The following PCDHGB5 variants were observed in gnomAD, a reference collection of about 807,000 sequenced individuals.
PCDHGB5 encodes the protein protocadherin gamma subfamily B, 5.
A neutral mutation model predicts 62.9 loss-of-function variants in PCDHGB5; 48 were observed. The ratio of observed to expected loss-of-function variants is 0.76; its 90% CI spans 0.61 to 0.97. PCDHGB5 has a LOEUF of 0.97. Among genes scored for constraint, PCDHGB5 ranks in the 50% least tolerant of loss-of-function variants. The probability of loss-of-function intolerance (pLI) is 0.00; values close to 1 mark genes in which losing one functional copy is unlikely to be tolerated. For synonymous variants in PCDHGB5, 474 were observed against 511.2 expected, an observed-to-expected ratio of 0.93 and a Z score of 0.98; for missense variants, 1,118 against 1,198.6, an observed-to-expected ratio of 0.93 and a Z score of 0.99.
chr5:141,448,152 C>T (rs1463599948), intron 1 of PCDHGB5, among the ~76,000 whole-genome samples: 1 of 151,984 alleles, frequency 6.6e-6, no homozygotes, highest in African/African-American at 2.4e-5. Flanking sequence ...CAGACTCACC[C>T]CTGAAAGATC....
At chr5:141,458,615 G>A (rs2098949624) in intron 1 of PCDHGB5, among the ~76,000 whole-genome samples, 1 of 152,088 alleles carries the variant, frequency 6.6e-6, no homozygotes, top group Admixed American at 6.6e-5. Flanking sequence ...TGTCAGCCAG[G>A]CTGGAGTGCA....
Position 141,485,790 on chromosome 5 carries a change from C to G in PCDHGB5, c.2398-9017C>G. 6.2e-7 allele frequency: 1 copy of G among 1,614,204 alleles called. No homozygotes were observed. The highest frequency in any genetic ancestry group is 8.5e-7 in the Non-Finnish European group (1 of 1,180,032). ...AAGCCTTTGGATCGAGAGAAGCAAT[C>G]GGACTACCGCCTGGTGCTGACTGCT... On this transcript the variant is annotated intron_variant, in intron 1 of 3. Transcript: ENST00000617380. This position sits in a 1 kb window ranked among gnomAD's most constrained non-coding sequence, Gnocchi z 5.7.
Position 141,422,468 on chromosome 5 carries a change from A to T in PCDHGB5, c.2397+21944A>T, listed in dbSNP as rs555211298. On this transcript the variant is annotated intron_variant, in intron 1 of 3. Transcript: ENST00000617380. ...ATAACAAGCAGAGTGCTGGACAGGG[A>T]GTTGGTCCAGAGCTACAATATAACG... 59 of 1,613,640 alleles carry T rather than the reference A, an allele frequency of 3.7e-5. No homozygotes were observed. In the South Asian group the frequency reaches 4.7e-4, roughly 13 times the overall value.
chr5:141,415,740 GTTTTTTTTTTTTTTTTTT>G (rs57426385), intron 1 of PCDHGB5: 9 of 625,028 alleles, frequency 1.4e-5, no homozygotes, highest in African/African-American at 5.0e-5. Flanking sequence ...GTTTATTAAG[GTTTTTTTTTTTTTTTTTT>G]TTTTTTTTTT....
At chr5:141,409,620 A>C in intron 1 of PCDHGB5, 2 of 1,613,876 alleles carry the variant, frequency 1.2e-6, no homozygotes, top group Non-Finnish European at 1.7e-6. Flanking sequence ...TCCATTGCGC[A>C]AGTGAGCGCC....
intron 1 of PCDHGB5, among the ~76,000 whole-genome samples, chr5:141,452,094 G>A (rs760924457): frequency 6.6e-6 from 1 of 152,162 alleles, no homozygotes; most frequent in South Asian, 2.1e-4. Context: ...CAGTAAGAAA[G>A]AGCTTTCTTT....
intron 1 of PCDHGB5, among the ~76,000 whole-genome samples, chr5:141,456,969 A>G (rs2098901241): frequency 1.4e-5 from 2 of 147,268 alleles, no homozygotes; most frequent in Non-Finnish European, 3.1e-5. Flanking sequence ...TCTCAAAACA[A>G]AACAAACAAA....
At position 141,489,181 on chromosome 5, in the gene PCDHGB5, T is replaced by C; in HGVS notation, c.2398-5626T>C. The C allele has an allele frequency of 1.6e-6, 2 of 1,259,546 alleles. No homozygotes were observed. The highest frequency in any genetic ancestry group is 2.2e-6 in the Non-Finnish European group (2 of 905,040). The allele number at this position is 1,259,546 out of a possible 1,614,324, so 78.0% of individuals were successfully genotyped here. ...ACTTCAGCTGCTGCATTCCAAGCCC[T>C]GGGTCTACCTTGGAGACAGGACAGC... On this transcript the variant is annotated intron_variant, in intron 1 of 3. Transcript: ENST00000617380. This position sits in a 1 kb window ranked among gnomAD's most constrained non-coding sequence, Gnocchi z 4.5.
chr5:141,404,490 T>G lies in PCDHGB5; in HGVS notation c.2397+3966T>G, dbSNP rs748668164. On this transcript the variant is annotated intron_variant, in intron 1 of 3. Transcript: ENST00000617380. Reference sequence around the variant, plus strand: ...GTCTCTATTAACTCAGACACTGGTGTGCTGTATGCTCTGTGCTCCTTTGAC... The same window carrying G: ...GTCTCTATTAACTCAGACACTGGTGGGCTGTATGCTCTGTGCTCCTTTGAC... 10 of 1,613,632 alleles carry G rather than the reference T, an allele frequency of 6.2e-6. No homozygotes were observed. The Admixed American group carries it at 1.2e-4, about 19-fold the overall frequency.
intron 1 of PCDHGB5, chr5:141,423,606 GAT>G: frequency 6.2e-7 from 1 of 1,612,164 alleles, no homozygotes; most frequent in African/African-American, 1.3e-5. Flanking sequence ...AGCCACTCTT[GAT>G]AGCTGAAGAC....
chr5:141,404,081 G>A (rs1436868245), intron 1 of PCDHGB5: 10 of 1,613,302 alleles, frequency 6.2e-6, no homozygotes, highest in South Asian at 2.2e-5. Context: ...CCGAGACTCC[G>A]GGAAGAATGG....
At position 141,415,039 on chromosome 5, in the gene PCDHGB5, G is replaced by T. The variant is rs761101620; in HGVS notation, c.2397+14515G>T. ...CAAGGCCAGCGAGCCGGGACTCTTC[G>T]CGGTGGGGGAGCACACGGGCGAGGT... On this transcript the variant is annotated intron_variant, in intron 1 of 3. Transcript: ENST00000617380. The T allele has an allele frequency of 3.1e-6, 5 of 1,613,342 alleles. No homozygotes were observed. The highest frequency in any genetic ancestry group is 3.4e-6 in the Non-Finnish European group (4 of 1,179,934).
intron 1 of PCDHGB5, among the ~76,000 whole-genome samples, chr5:141,482,442 C>T (rs942933015): frequency 1.4e-5 from 2 of 147,678 alleles, no homozygotes; most frequent in Non-Finnish European, 3.0e-5. Flanking sequence ...CTGATATTCA[C>T]CATTTATTAG....
chr5:141,496,993 C>G (rs981547671), intron 2 of PCDHGB5, among the ~76,000 whole-genome samples: 1 of 151,910 alleles, frequency 6.6e-6, no homozygotes, highest in South Asian at 2.1e-4. Flanking sequence ...TGAGACCAGC[C>G]TGGCAGCCAA....
chr5:141,420,080 C>T (rs754438863), intron 1 of PCDHGB5: 2 of 1,614,010 alleles, frequency 1.2e-6, no homozygotes, highest in Non-Finnish European at 1.7e-6. Context: ...TGTGGGTCCC[C>T]CCAACTACAG....
rs750214310 is a variant in PCDHGB5 at position 141,432,447 on chromosome 5, T to C, written c.2397+31923T>C. 1 of 1,614,202 alleles carries C rather than the reference T, an allele frequency of 6.2e-7. No homozygotes were observed. Among genetic ancestry groups the C allele is most frequent in the South Asian group, 1.1e-5 (1 of 91,072 alleles). ...CAGAACGACAATGCGCCCGAGATCCTGTACCCCGCCCTCCCCACGGACGGT... is the reference window on the plus strand; with the variant it reads ...CAGAACGACAATGCGCCCGAGATCCCGTACCCCGCCCTCCCCACGGACGGT... On this transcript the variant is annotated intron_variant, in intron 1 of 3. Coordinates refer to ENST00000617380, the MANE Select transcript of PCDHGB5 (RefSeq NM_018925.3). This position sits in a 1 kb window ranked among gnomAD's most constrained non-coding sequence, Gnocchi z 6.0.
chr5:141,491,560 T>C lies in PCDHGB5; in HGVS notation c.2398-3247T>C. 1 of 1,613,986 alleles carries C rather than the reference T, an allele frequency of 6.2e-7. No homozygotes were observed. Among genetic ancestry groups the C allele is most frequent in the Non-Finnish European group, 8.5e-7 (1 of 1,180,026 alleles). ...GCCCACAGACTCGCAGAGCCACTGCTACAGGACGTGCTTTTCACCGGCCTC... is the reference window on the plus strand; with the variant it reads ...GCCCACAGACTCGCAGAGCCACTGCCACAGGACGTGCTTTTCACCGGCCTC... On this transcript the variant is annotated intron_variant, in intron 1 of 3. Coordinates refer to ENST00000617380, the MANE Select transcript of PCDHGB5 (RefSeq NM_018925.3). This position sits in a 1 kb window ranked among gnomAD's most constrained non-coding sequence, Gnocchi z 6.9.
intron 1 of PCDHGB5, chr5:141,426,340 C>A: frequency 5.3e-6 from 1 of 190,288 alleles, no homozygotes; most frequent in Non-Finnish European, 1.1e-5. Flanking sequence ...AGCACTCTTC[C>A]CTTTCCTGCT....
chr5:141,492,386 G>C (rs1343104703), intron 1 of PCDHGB5, among the ~76,000 whole-genome samples: 1 of 152,202 alleles, frequency 6.6e-6, no homozygotes, highest in African/African-American at 2.4e-5. Context: ...GCCTGTTCCG[G>C]TCCACTCGCA....
Sources: allele counts gnomAD v4.1 joint callset (sites outside exome capture counted in the v4.1 genomes callset), GRCh38; gene constraint gnomAD v4.1.1; non-coding constraint Gnocchi (gnomAD v3.1); transcripts MANE v1.5; gene names NCBI Gene and HGNC (gene_info 2026-07-23, HGNC 2026-07-21).